Variants in RARA observed in about 807,000 individuals in gnomAD.
RARA encodes PML-DDX5-RARA fusion.
In RARA, 5 loss-of-function variants were observed where a neutral mutation model predicts 42.8. The observed-to-expected ratio is 0.12, with a 90% CI of 0.06 to 0.25. The LOEUF (loss-of-function observed/expected upper bound fraction) is 0.25. RARA is among the 10% of genes least tolerant of loss of function. RARA has a pLI of 1.00. For synonymous variants in RARA, 256 were observed against 259.5 expected (o/e 0.99, Z 0.13); for missense variants, 402 against 628.7 (o/e 0.64, Z 3.86).
At chr17:40,312,842 T>C (rs1215639678) in intron 1 of RARA, among the ~76,000 whole-genome samples, 2 of 152,144 alleles carry the variant, frequency 1.3e-5, no homozygotes, top group African/African-American at 4.8e-5. Flanking sequence ...AGTCATTGGC[T>C]GTGTTGAGAC....
chr17:40,310,979 T>C (rs1313010587), intron 1 of RARA, among the ~76,000 whole-genome samples: 1 of 152,156 alleles, frequency 6.6e-6, no homozygotes, highest in Non-Finnish European at 1.5e-5. Context: ...ATTCCCCTAA[T>C]GCAGGTTGTA....
chr17:40,336,505 T>A (rs1410498063), intron 2 of RARA, among the ~76,000 whole-genome samples: 1 of 151,842 alleles, frequency 6.6e-6, no homozygotes, highest in African/African-American at 2.4e-5. Context: ...CATTCTCCTG[T>A]AGCCTCCCAA....
intron 2 of RARA, chr17:40,342,998 G>A (rs901066383): frequency 4.8e-6 from 7 of 1,454,820 alleles, no homozygotes; most frequent in Admixed American, 2.4e-5. Context: ...AACCCGTGTT[G>A]CCCTTGCTGG....
chr17:40,315,083 CATTG>C (rs1308245665), intron 1 of RARA, among the ~76,000 whole-genome samples: 1 of 130,682 alleles, frequency 7.7e-6, no homozygotes, highest in Non-Finnish European at 1.6e-5. Flanking sequence ...GAGGAGGGAA[CATTG>C]ATTGGGTTAT....
At chr17:40,341,760 A>G in intron 2 of RARA, 3 of 1,284,706 alleles carry the variant, frequency 2.3e-6, no homozygotes, top group Non-Finnish European at 2.0e-6. Flanking sequence ...TCCCCGCCCC[A>G]CCACCTCCTC....
At position 40,320,208 on chromosome 17, in the gene RARA, C is replaced by A. The variant is rs2033336958; in HGVS notation, c.-362-10649C>A. On this transcript the variant is annotated intron_variant, in intron 1 of 8. Transcript: ENST00000254066. The surrounding 1 kb of genome is among the most constrained non-coding windows in gnomAD (Gnocchi z 4.1). ...GATCCTGGGGTTGAAATGGCTTAAT[C>A]CTGGCCACATCCTCCTTCCTATAGC... Among the ~76,000 whole-genome samples, 1 of 152,102 alleles carries A rather than the reference C, an allele frequency of 6.6e-6. No individual in the cohort carries two copies. Among genetic ancestry groups the A allele is most frequent in the Non-Finnish European group, 1.5e-5 (1 of 68,002 alleles).
At chr17:40,346,531 TG>T (rs2034271832) in intron 2 of RARA, among the ~76,000 whole-genome samples, 1 of 140,002 alleles carries the variant, frequency 7.1e-6, no homozygotes, top group Admixed American at 7.3e-5. Context: ...CCCACCAGTC[TG>T]GATTGTCTAT....
At chr17:40,350,099 G>A in intron 4 of RARA, 174 bp downstream of exon 4, 4 of 1,004,930 alleles carry the variant, frequency 4.0e-6, no homozygotes, top group Non-Finnish European at 5.7e-6. Context: ...ACCTGTTTGC[G>A]AGTCTGGCTG....
chr17:40,334,549 T>C (rs538969077), intron 2 of RARA, among the ~76,000 whole-genome samples: 2 of 152,292 alleles, frequency 1.3e-5, no homozygotes, highest in African/African-American at 4.8e-5. Flanking sequence ...GATAAAATTA[T>C]CACATGCCTG....
intron 2 of RARA, chr17:40,341,820 G>A (rs1412280477): frequency 3.4e-6 from 4 of 1,173,754 alleles, no homozygotes; most frequent in African/African-American, 1.6e-5. Flanking sequence ...GGGGAGCCTG[G>A]GAGCCGGAAC....
intron 2 of RARA, among the ~76,000 whole-genome samples, chr17:40,339,386 C>A (rs1017350538): frequency 6.6e-6 from 1 of 152,232 alleles, no homozygotes; most frequent in African/African-American, 2.4e-5. Flanking sequence ...AGGGATAAGG[C>A]TGAGCAGGAT....
chr17:40,341,662 A>T, intron 2 of RARA: 1 of 1,344,908 alleles, frequency 7.4e-7, no homozygotes, highest in South Asian at 1.9e-5. Flanking sequence ...GAGTTCAGCG[A>T]GAGTTCAGCC....
Position 40,352,319 on chromosome 17 carries a change from C to G in RARA, c.631-12C>G, listed in dbSNP as rs746587605. On this transcript the variant is annotated splice_polypyrimidine_tract_variant and intron_variant, in intron 5 of 8. Transcript: ENST00000254066. This position sits in a 1 kb window ranked among gnomAD's most constrained non-coding sequence, Gnocchi z 4.9. Reference sequence around the variant, plus strand: ...ATGGAGAAGAAGGCCCTCACTCTCCCTCCTCCCCCAGAACAACAGCTCAGA... The same window carrying G: ...ATGGAGAAGAAGGCCCTCACTCTCCGTCCTCCCCCAGAACAACAGCTCAGA... 1.6e-5 allele frequency: 26 copies of G among 1,589,046 alleles called. No individual in the cohort carries two copies. Among genetic ancestry groups the G allele is most frequent in the Non-Finnish European group, 2.2e-5 (26 of 1,164,582 alleles).
In RARA at chr17:40,345,264, TG is replaced by T. The variant is rs1327018417; in HGVS notation, c.179-3051del. 6.5e-6 allele frequency: 1 copy of T among 152,678 alleles called. No individual in the cohort carries two copies. The highest frequency in any genetic ancestry group is 1.5e-5 in the Non-Finnish European group (1 of 68,086). 9.5% of individuals were successfully genotyped at this position (152,678 alleles called of 1,614,324 possible). On this transcript the variant is annotated intron_variant, in intron 2 of 8. Transcript: ENST00000254066. This position sits in a 1 kb window ranked among gnomAD's most constrained non-coding sequence, Gnocchi z 4.8. ...CGCTGGGCTAGGGGCCTTCTTCCGC[TG>T]CCGCGGTACACCCAGAGCTACCCCC...
At chr17:40,334,502 G>C (rs1312918885) in intron 2 of RARA, among the ~76,000 whole-genome samples, 2 of 152,232 alleles carry the variant, frequency 1.3e-5, no homozygotes, top group Admixed American at 1.3e-4. Context: ...CTGCCTGGTG[G>C]ACAGAGCTCC....
chr17:40,349,941 C>T lies in RARA; in HGVS notation c.469+16C>T, dbSNP rs953963108. On this transcript the variant is annotated intron_variant, in intron 4 of 8. Coordinates refer to ENST00000254066, the MANE Select transcript of RARA (RefSeq NM_000964.4). ...TCCAAGGAGTGTGAGTGCCATAGGGCAGGGGCCGAGTCCCGCCTCAGTTGG... is the reference window on the plus strand; with the variant it reads ...TCCAAGGAGTGTGAGTGCCATAGGGTAGGGGCCGAGTCCCGCCTCAGTTGG... 9.3e-6 allele frequency: 15 copies of T among 1,612,704 alleles called. No homozygotes were observed. The highest frequency in any genetic ancestry group is 3.3e-4 in the Middle Eastern group (2 of 6,076).
At position 40,349,936 on chromosome 17, in the gene RARA, T is replaced by C. The variant is rs767189598; in HGVS notation, c.469+11T>C. ...GCATGTCCAAGGAGTGTGAGTGCCATAGGGCAGGGGCCGAGTCCCGCCTCA... is the reference window on the plus strand; with the variant it reads ...GCATGTCCAAGGAGTGTGAGTGCCACAGGGCAGGGGCCGAGTCCCGCCTCA... On this transcript the variant is annotated intron_variant, in intron 4 of 8. Transcript: ENST00000254066. 2 of 1,613,646 alleles carry C rather than the reference T, an allele frequency of 1.2e-6. No individual in the cohort carries two copies. Among genetic ancestry groups the C allele is most frequent in the African/African-American group, 1.3e-5 (1 of 75,058 alleles).
intron 1 of RARA, among the ~76,000 whole-genome samples, chr17:40,311,496 G>A (rs1390069908): frequency 2.0e-5 from 3 of 152,018 alleles, no homozygotes; most frequent in South Asian, 2.1e-4. Flanking sequence ...GCTGACCCCC[G>A]CCACCCCATT....
At chr17:40,327,808 C>T (rs77209292) in intron 1 of RARA, among the ~76,000 whole-genome samples, 2,299 of 152,318 alleles carry the variant, frequency 0.015, 29 homozygotes, top group Non-Finnish European at 0.023. Context: ...GTTCTGCCAG[C>T]CTCTTCTTCC....
Sources: gnomAD v4.1 joint callset for allele counts (sites outside exome capture counted in the v4.1 genomes callset) on GRCh38, gnomAD v4.1.1 for gene constraint, Gnocchi (gnomAD v3.1) non-coding constraint, MANE v1.5 for transcripts, NCBI Gene and HGNC (gene_info 2026-07-23, HGNC 2026-07-21) for gene names.